Variants in BLTP3B observed in about 807,000 individuals in gnomAD.
The protein encoded by BLTP3B is bridge-like lipid transfer protein family member 3B, also known as UHRF1 (ICBP90) binding protein 1-like.
chr12:100,041,429 CTTT>C, the BLTP3B span, among the ~76,000 whole-genome samples: 2,014 of 101,418 alleles, frequency 0.02, 6 homozygotes, highest in Non-Finnish European at 0.03. Context: ...GCTATTGTTA[CTTT>C]TTTTTTTTTT....
the BLTP3B span, among the ~76,000 whole-genome samples, chr12:100,056,230 A>G: frequency 3.3e-5 from 5 of 152,174 alleles, no homozygotes; most frequent in African/African-American, 1.2e-4. Context: ...AAGAGGCTTC[A>G]GGTAGCTTCT....
chr12:100,079,480 G>A, the BLTP3B span, among the ~76,000 whole-genome samples: 9 of 152,194 alleles, frequency 5.9e-5, no homozygotes, highest in African/African-American at 1.9e-4. Context: ...GAACTTGAGA[G>A]ATGATTTAGG....
At chr12:100,097,599 G>T in the BLTP3B span, 1 of 1,334,054 alleles carries the variant, frequency 7.5e-7, no homozygotes, top group Middle Eastern at 2.6e-4. Context: ...TATATTCTCA[G>T]TTAATTTTCA....
the BLTP3B span, chr12:100,039,462 A>G: frequency 1.1e-6 from 1 of 928,762 alleles, no homozygotes; most frequent in Admixed American, 3.3e-5. Context: ...CATAGCACCT[A>G]GCAAAGCACC....
chr12:100,097,145 T>G, the BLTP3B span, among the ~76,000 whole-genome samples: 5 of 152,180 alleles, frequency 3.3e-5, no homozygotes, highest in Non-Finnish European at 5.9e-5. Context: ...CTATTAAACC[T>G]AAGACTGAAG....
the BLTP3B span, among the ~76,000 whole-genome samples, chr12:100,119,021 G>C: frequency 6.6e-6 from 1 of 152,088 alleles, no homozygotes; most frequent in Non-Finnish European, 1.5e-5. Flanking sequence ...AGAATTGCTT[G>C]AACTCAGGAG....
the BLTP3B span, among the ~76,000 whole-genome samples, chr12:100,054,669 A>G: frequency 6.6e-6 from 1 of 152,180 alleles, no homozygotes; most frequent in Non-Finnish European, 1.5e-5. Flanking sequence ...CCTCTTCTAC[A>G]TTTAAGTGAT....
At chr12:100,131,000 AGAGAGAGAGAG>A in the BLTP3B span, among the ~76,000 whole-genome samples, 3 of 97,846 alleles carry the variant, frequency 3.1e-5, no homozygotes, top group South Asian at 2.7e-4. Context: ...AGAGAGAGAG[AGAGAGAGAGAG>A]AGAGAGAGAG....
At chr12:100,099,592 T>C in the BLTP3B span, among the ~76,000 whole-genome samples, 17 of 150,398 alleles carry the variant, frequency 1.1e-4, no homozygotes, top group Admixed American at 4.0e-4. Context: ...GTAGAAAATT[T>C]AAAAATTAGC....
At chr12:100,109,855 T>A in the BLTP3B span, among the ~76,000 whole-genome samples, 2 of 152,142 alleles carry the variant, frequency 1.3e-5, no homozygotes, top group African/African-American at 2.4e-5. Flanking sequence ...TTGGCATACA[T>A]GCGTGACTAT....
chr12:100,080,865 C>T, the BLTP3B span, among the ~76,000 whole-genome samples: 1 of 152,184 alleles, frequency 6.6e-6, no homozygotes, highest in Non-Finnish European at 1.5e-5. Context: ...ACCCAAATTT[C>T]ACCTTGAATT....
chr12:100,097,773 G>A, the BLTP3B span, among the ~76,000 whole-genome samples: 11,245 of 152,044 alleles, frequency 0.074, 449 homozygotes, highest in South Asian at 0.091. Flanking sequence ...ATGAAATCAC[G>A]TTACCAAGAA....
the BLTP3B span, among the ~76,000 whole-genome samples, chr12:100,048,775 T>A: frequency 1.7e-3 from 151 of 88,906 alleles, no homozygotes; most frequent in South Asian, 4.1e-3. Context: ...AGAGTGAGTG[T>A]GTGTGTGTGT....
At chr12:100,140,729 A>AAAAAAATATAT in the BLTP3B span, among the ~76,000 whole-genome samples, 5 of 61,490 alleles carry the variant, frequency 8.1e-5, no homozygotes, top group East Asian at 3.4e-4. Flanking sequence ...AAAAAAAAAA[A>AAAAAAATATAT]ATATATATAT....
At chr12:100,140,729 A>AAATATATAT in the BLTP3B span, among the ~76,000 whole-genome samples, 2 of 61,504 alleles carry the variant, frequency 3.3e-5, no homozygotes, top group Non-Finnish European at 2.6e-5. Context: ...AAAAAAAAAA[A>AAATATATAT]ATATATATAT....
chr12:100,058,792 A>G, the BLTP3B span: 1 of 1,614,016 alleles, frequency 6.2e-7, no homozygotes, highest in Non-Finnish European at 8.5e-7. Context: ...TCATGCAGGA[A>G]AAGTAGAAGC....
At chr12:100,133,173 C>T in the BLTP3B span, among the ~76,000 whole-genome samples, 3 of 150,712 alleles carry the variant, frequency 2.0e-5, no homozygotes, top group South Asian at 2.1e-4. Flanking sequence ...ACCCGGGAGG[C>T]GGAGCTTGCA....
the BLTP3B span, among the ~76,000 whole-genome samples, chr12:100,056,175 C>A: frequency 6.6e-6 from 1 of 152,032 alleles, no homozygotes; most frequent in South Asian, 2.1e-4. Flanking sequence ...GATGATCAGC[C>A]CATGAGAGCT....
chr12:100,073,090 A>T, the BLTP3B span, among the ~76,000 whole-genome samples: 10 of 152,318 alleles, frequency 6.6e-5, no homozygotes, highest in Middle Eastern at 6.8e-3. Context: ...CTTAAAAACA[A>T]CAGAAAAATG....
Sources: gnomAD v4.1 joint callset for allele counts (sites outside exome capture counted in the v4.1 genomes callset) on GRCh38, gnomAD v4.1.1 for gene constraint, MANE v1.5 for transcripts, NCBI Gene and HGNC (gene_info 2026-07-23, HGNC 2026-07-21) for gene names.